ADAM10: variants seen among roughly 807,000 people sequenced by gnomAD.
The protein encoded by ADAM10 is ADAM metallopeptidase domain 10, also known as disintegrin and metalloproteinase domain-containing protein 10.
ADAM10 carries 17 observed loss-of-function variants against 90.1 expected under a neutral mutation model. That is an observed-to-expected ratio of 0.19 (90% CI 0.13 to 0.28). The LOEUF (loss-of-function observed/expected upper bound fraction) is 0.28, where lower values mean the gene tolerates loss of function less well. ADAM10 is among the 10% of genes least tolerant of loss of function. The pLI is 1.00. For missense variants in ADAM10, 610 were observed against 914.3 expected (o/e 0.67, Z 4.29); for synonymous variants, 310 against 298.6 (o/e 1.04, Z -0.40).
chr15:58,612,355 C>T (rs535587992), intron 11 of ADAM10, among the ~76,000 whole-genome samples: 45 of 152,290 alleles, frequency 3.0e-4, no homozygotes, highest in African/African-American at 1.1e-3. Flanking sequence ...CAGTAACTCA[C>T]ATCCCAGGGA....
intron 10 of ADAM10, among the ~76,000 whole-genome samples, chr15:58,622,950 C>G (rs1350886303): frequency 1.3e-5 from 2 of 152,318 alleles, no homozygotes; most frequent in East Asian, 3.9e-4. Flanking sequence ...CAGACTATAT[C>G]TAGGGTTTTC....
intron 7 of ADAM10, among the ~76,000 whole-genome samples, chr15:58,642,234 AG>A (rs1166021914): frequency 6.6e-6 from 1 of 152,238 alleles, no homozygotes; most frequent in Non-Finnish European, 1.5e-5. Flanking sequence ...TGGGAGGCCG[AG>A]GCGGGTGATC....
At chr15:58,692,536 T>A (rs780386187) in intron 2 of ADAM10, 1 of 527,472 alleles carries the variant, frequency 1.9e-6, no homozygotes, top group African/African-American at 1.9e-5. Context: ...GATTTCCTTC[T>A]CTGGTTCCTT....
chr15:58,597,269 G>T lies in ADAM10; in HGVS notation c.*278C>A. On this transcript the variant is annotated 3_prime_UTR_variant, in exon 16 of 16. Coordinates refer to ENST00000260408, the MANE Select transcript of ADAM10 (RefSeq NM_001110.4). The stretch of plus-strand genomic sequence containing the variant: ...TGCAGCAACGAAGAACAGGGAACAC[G>T]GGGCACATAATAATATTCTAAGACT... The T allele has an allele frequency of 9.4e-7, 1 of 1,060,888 alleles. No individual in the cohort carries two copies. Among genetic ancestry groups the T allele is most frequent in the Non-Finnish European group, 1.3e-6 (1 of 752,462 alleles). The allele number at this position is 1,060,888 out of a possible 1,614,324, so 65.7% of individuals were successfully genotyped here.
chr15:58,636,032 T>C (rs1896240721), intron 8 of ADAM10, among the ~76,000 whole-genome samples: 1 of 152,078 alleles, frequency 6.6e-6, no homozygotes, highest in Non-Finnish European at 1.5e-5. Context: ...ATCCCAACAC[T>C]TTGGGTGGCG....
At chr15:58,718,771 G>A (rs1418989495) in intron 1 of ADAM10, among the ~76,000 whole-genome samples, 3 of 152,156 alleles carry the variant, frequency 2.0e-5, no homozygotes, top group African/African-American at 7.2e-5. Context: ...TACAGTGGAA[G>A]CCTCTGCAGA....
chr15:58,630,051 G>A (rs1896059475), intron 9 of ADAM10, among the ~76,000 whole-genome samples: 1 of 152,106 alleles, frequency 6.6e-6, no homozygotes, highest in Non-Finnish European at 1.5e-5. Context: ...TGGGATTACA[G>A]GTGTGAGTCA....
chr15:58,630,252 AT>A (rs1896067526), intron 9 of ADAM10, among the ~76,000 whole-genome samples: 2 of 152,264 alleles, frequency 1.3e-5, no homozygotes, highest in South Asian at 4.1e-4. Context: ...TATTTTCTTA[AT>A]TTTTATTAAG....
At chr15:58,727,177 T>TTTG (rs1899061355) in intron 1 of ADAM10, among the ~76,000 whole-genome samples, 1 of 67,622 alleles carries the variant, frequency 1.5e-5, no homozygotes, top group African/African-American at 1.3e-4. Context: ...CTGACTAATC[T>TTTG]TTTTTTTTTT....
chr15:58,709,028 T>C (rs1466226016), intron 2 of ADAM10, among the ~76,000 whole-genome samples: 2 of 152,202 alleles, frequency 1.3e-5, no homozygotes, highest in Non-Finnish European at 2.9e-5. Context: ...TATTACACTA[T>C]AATACAAGGT....
chr15:58,686,809 TAG>T (rs1416342672), intron 2 of ADAM10, among the ~76,000 whole-genome samples: 1 of 152,200 alleles, frequency 6.6e-6, no homozygotes, highest in African/African-American at 2.4e-5. Flanking sequence ...GGTGAAGGAA[TAG>T]AGTTTTAAAT....
chr15:58,741,412 G>GCTTCC (rs1899610732), intron 1 of ADAM10, among the ~76,000 whole-genome samples: 2 of 152,136 alleles, frequency 1.3e-5, no homozygotes, highest in African/African-American at 4.8e-5. Context: ...GCTACCTAAA[G>GCTTCC]CACTGCTTCC....
chr15:58,699,025 A>G (rs571507264), intron 2 of ADAM10, among the ~76,000 whole-genome samples: 2 of 152,240 alleles, frequency 1.3e-5, no homozygotes, highest in Non-Finnish European at 2.9e-5. Flanking sequence ...AAAGACAAAG[A>G]GAGAATTCTA....
At position 58,655,711 on chromosome 15, in the gene ADAM10, GTATATATATATATA is replaced by G. The variant is rs1174017303; in HGVS notation, c.585+9372_585+9385del. On this transcript the variant is annotated intron_variant, in intron 5 of 15. Transcript: ENST00000260408. ...ATTATATATAGTATATATATATATA[GTATATATATATATA>G]TATATATATATATATTCTTTTTTTT... 1.5e-4 allele frequency among the ~76,000 whole-genome samples: 8 copies of G among 53,712 alleles called. No homozygotes were observed. In the South Asian group the frequency reaches 3.4e-3, roughly 23 times the overall value. The allele number at this position is 53,712 out of a possible 152,430, so 35.2% of individuals were successfully genotyped here.
intron 1 of ADAM10, among the ~76,000 whole-genome samples, chr15:58,725,958 G>A (rs1899014340): frequency 6.6e-6 from 1 of 151,862 alleles, no homozygotes; most frequent in Admixed American, 6.6e-5. Flanking sequence ...AATACCAGAT[G>A]GAAACCTACA....
chr15:58,619,909 A>G (rs1406708938), intron 11 of ADAM10, among the ~76,000 whole-genome samples: 1 of 152,038 alleles, frequency 6.6e-6, no homozygotes, highest in Non-Finnish European at 1.5e-5. Context: ...ATCTCAAAAA[A>G]AAAAATTTAA....
chr15:58,650,860 C>T (rs1896667951), intron 5 of ADAM10, among the ~76,000 whole-genome samples: 1 of 152,042 alleles, frequency 6.6e-6, no homozygotes, highest in African/African-American at 2.4e-5. Context: ...TTCTTAAAAA[C>T]AATTCTTTAT....
rs1895989681 is a variant in ADAM10, at chr15:58,627,781, G to A, written c.1279C>T (p.Leu427Phe). ...MYARATSGDKLNNNKFSLCSI... is the reference protein window; with the variant it reads ...MYARATSGDKFNNNKFSLCSI... ...CAGAGTGAGAATTTATTGTTGTTAA[G>A]TTTGTCCCCAGATGTTGCTCTTGCA... Residue 427 changes from leucine to phenylalanine, a missense_variant, in exon 10 of 16, where the codon CTT becomes TTT. Around this residue, in one of 4 missense-constraint regions of ADAM10, gnomAD observed 97 missense variants for 221.4 expected, o/e 0.44. Transcript: ENST00000260408. 3 of 1,613,536 alleles carry A rather than the reference G, an allele frequency of 1.9e-6. No homozygotes were observed. The highest frequency in any genetic ancestry group is 2.5e-6 in the Non-Finnish European group (3 of 1,179,626).
At chr15:58,746,623 G>C (rs1899800155) in intron 1 of ADAM10, among the ~76,000 whole-genome samples, 1 of 152,168 alleles carries the variant, frequency 6.6e-6, no homozygotes, top group African/African-American at 2.4e-5. Flanking sequence ...CTTAAGACAA[G>C]GAATTGGCCA....
Sources: allele counts gnomAD v4.1 joint callset (sites outside exome capture counted in the v4.1 genomes callset), GRCh38; gene constraint gnomAD v4.1.1; regional missense constraint gnomAD v4.1.1; transcripts MANE v1.5; gene names NCBI Gene and HGNC (gene_info 2026-07-23, HGNC 2026-07-21).